ZNF407: variants seen among roughly 807,000 people sequenced by gnomAD.
ZNF407 encodes zinc finger protein 407.
A neutral mutation model predicts 131.2 loss-of-function variants in ZNF407; 17 were observed. The ratio of observed to expected loss-of-function variants is 0.13; its 90% CI spans 0.09 to 0.19. ZNF407 has a LOEUF of 0.19. Among genes scored for constraint, ZNF407 ranks in the 10% least tolerant of loss-of-function variants. The pLI, the probability that ZNF407 is intolerant of heterozygous loss-of-function variation, is 1.00. For missense variants in ZNF407, 2,681 were observed against 2,830.6 expected (o/e 0.95, Z 1.20); for synonymous variants, 1,156 against 1,062.0 (o/e 1.09, Z -1.72).
At chr18:74,615,907 G>C (rs141523262) in intron 1 of ZNF407, among the ~76,000 whole-genome samples, 53 of 151,752 alleles carry the variant, frequency 3.5e-4, no homozygotes, top group African/African-American at 1.3e-3. Context: ...CTTTTTGTCC[G>C]GGCTGGAGTG....
chr18:74,822,924 G>T (rs1043645987), intron 4 of ZNF407, among the ~76,000 whole-genome samples: 24 of 152,102 alleles, frequency 1.6e-4, no homozygotes, highest in East Asian at 5.8e-4. Context: ...CCATTTGTTT[G>T]TGTCCTCTCT....
intron 3 of ZNF407, among the ~76,000 whole-genome samples, chr18:74,682,148 G>A (rs1966999317): frequency 6.6e-6 from 1 of 152,324 alleles, no homozygotes; most frequent in East Asian, 1.9e-4. Context: ...GACAAAGATG[G>A]AAAGGGGACA....
intron 3 of ZNF407, among the ~76,000 whole-genome samples, chr18:74,674,967 G>A (rs560082183): frequency 1.1e-4 from 17 of 152,274 alleles, no homozygotes; most frequent in African/African-American, 3.9e-4. Flanking sequence ...CACCAGACTT[G>A]TGCATTTTAT....
At chr18:74,803,456 T>C (rs1426359982) in intron 4 of ZNF407, among the ~76,000 whole-genome samples, 1 of 152,220 alleles carries the variant, frequency 6.6e-6, no homozygotes, top group Non-Finnish European at 1.5e-5. Context: ...AGAATGTGTC[T>C]GTGGGATTTT....
At chr18:74,695,380 A>T (rs992277589) in intron 3 of ZNF407, among the ~76,000 whole-genome samples, 2 of 152,314 alleles carry the variant, frequency 1.3e-5, no homozygotes, top group East Asian at 3.9e-4. Flanking sequence ...GGCTTGTTAG[A>T]ACAAGTGCTA....
intron 3 of ZNF407, among the ~76,000 whole-genome samples, chr18:74,731,671 G>T (rs1968297110): frequency 6.6e-6 from 1 of 152,072 alleles, no homozygotes; most frequent in Non-Finnish European, 1.5e-5. Flanking sequence ...TAATGTTTAG[G>T]CAGCCTTTAT....
intron 4 of ZNF407, among the ~76,000 whole-genome samples, chr18:74,866,413 G>C (rs997683023): frequency 1.3e-5 from 2 of 152,122 alleles, no homozygotes; most frequent in Non-Finnish European, 2.9e-5. Context: ...CTAGAAGGCC[G>C]AGATGATGAC....
intron 8 of ZNF407, among the ~76,000 whole-genome samples, chr18:75,014,298 T>C (rs1973017905): frequency 6.6e-6 from 1 of 152,120 alleles, no homozygotes; most frequent in Non-Finnish European, 1.5e-5. Flanking sequence ...GGTTTGGTGT[T>C]CGAAATATAA....
intron 3 of ZNF407, among the ~76,000 whole-genome samples, chr18:74,748,002 A>G (rs1968711085): frequency 6.6e-6 from 1 of 152,142 alleles, no homozygotes; most frequent in Non-Finnish European, 1.5e-5. Context: ...AAATAGTTAA[A>G]TGTTCTAGTT....
rs1568316919 is a variant in ZNF407, at chr18:75,063,927, A to T, written c.6206A>T (p.Gln2069Leu). ...CATCCCTCAGCAGCCATGGCCTCTC[A>T]GGAGCGGGCACAGGTGGCCTTCAAG... is the stretch of plus-strand genomic sequence containing the variant. ...VVHPSAAMAS[Q>L]ERAQVAFKKM... is the part of the protein sequence containing the mutation. Residue 2069 changes from glutamine to leucine, a missense_variant, in exon 9 of 9, where the codon CAG becomes CTG. Gln to Leu is a moderately radical substitution (Grantham distance 113). This residue lies in a region of ZNF407 where 620 missense variants were observed against 583.1 expected (regional missense o/e 1.06). Coordinates refer to ENST00000299687, the MANE Select transcript of ZNF407 (RefSeq NM_017757.3). This position sits in a 1 kb window ranked among gnomAD's most constrained non-coding sequence, Gnocchi z 6.6. 5.6e-6 allele frequency: 9 copies of T among 1,613,692 alleles called. No homozygotes were observed. Among genetic ancestry groups the T allele is most frequent in the Non-Finnish European group, 7.6e-6 (9 of 1,179,850 alleles).
chr18:74,801,033 C>T (rs1483719470), intron 4 of ZNF407, among the ~76,000 whole-genome samples: 1 of 151,978 alleles, frequency 6.6e-6, no homozygotes, highest in African/African-American at 2.4e-5. Context: ...GACATTTAGG[C>T]ACTTTGTTAG....
At chr18:74,998,264 A>AG (rs1972802306) in intron 8 of ZNF407, among the ~76,000 whole-genome samples, 1 of 152,210 alleles carries the variant, frequency 6.6e-6, no homozygotes, top group African/African-American at 2.4e-5. Context: ...AGCTCAGTGA[A>AG]GGGCAAAGCA....
chr18:75,004,608 C>G (rs551299754), intron 8 of ZNF407, among the ~76,000 whole-genome samples: 2 of 152,338 alleles, frequency 1.3e-5, no homozygotes, highest in Middle Eastern at 6.8e-3. Flanking sequence ...TTCATTCAAT[C>G]AGACCCATCG....
chr18:74,680,170 C>T (rs543427054), intron 3 of ZNF407, among the ~76,000 whole-genome samples: 3 of 152,156 alleles, frequency 2.0e-5, no homozygotes, highest in South Asian at 4.2e-4. Context: ...GTGGGCAGAT[C>T]CATTGAGCCA....
At chr18:74,954,018 A>G (rs1314053422) in intron 8 of ZNF407, among the ~76,000 whole-genome samples, 2 of 152,268 alleles carry the variant, frequency 1.3e-5, no homozygotes, top group African/African-American at 4.8e-5. Context: ...ACACTTTTAC[A>G]TACCCACATA....
intron 1 of ZNF407, among the ~76,000 whole-genome samples, chr18:74,626,253 A>G (rs893874069): frequency 2.6e-5 from 4 of 152,248 alleles, no homozygotes; most frequent in South Asian, 2.1e-4. Flanking sequence ...ATTCTTATAC[A>G]TAGCTGCTAG....
chr18:74,994,471 A>G (rs956881235), intron 8 of ZNF407, among the ~76,000 whole-genome samples: 2 of 152,246 alleles, frequency 1.3e-5, no homozygotes, highest in Non-Finnish European at 2.9e-5. Flanking sequence ...GAAGAGCCAC[A>G]GAAGTGATGA....
At chr18:74,745,849 C>T (rs558043456) in intron 3 of ZNF407, among the ~76,000 whole-genome samples, 125 of 152,242 alleles carry the variant, frequency 8.2e-4, no homozygotes, top group Non-Finnish European at 1.6e-3. Flanking sequence ...CTGCCTCATA[C>T]GAGGAGTCTG....
At chr18:74,798,820 T>C (rs1207699671) in intron 4 of ZNF407, among the ~76,000 whole-genome samples, 1 of 152,128 alleles carries the variant, frequency 6.6e-6, no homozygotes, top group Admixed American at 6.5e-5. Context: ...CTTAATTTTA[T>C]TTTTGCAAAA....
Sources: allele counts gnomAD v4.1 joint callset (sites outside exome capture counted in the v4.1 genomes callset), GRCh38; gene constraint gnomAD v4.1.1; regional missense constraint gnomAD v4.1.1; non-coding constraint Gnocchi (gnomAD v3.1); transcripts MANE v1.5; gene names NCBI Gene and HGNC (gene_info 2026-07-23, HGNC 2026-07-21).